The following USP2 variants were observed in gnomAD, a reference collection of about 807,000 sequenced individuals.
USP2 encodes the protein ubiquitin carboxyl-terminal hydrolase 2.
Under a neutral mutation model 72.0 loss-of-function variants are expected in USP2, and 33 were observed. The observed-to-expected ratio is 0.46, with a 90% CI of 0.35 to 0.61. The LOEUF (loss-of-function observed/expected upper bound fraction) is 0.61, where lower values mean the gene tolerates loss of function less well. Ranked by LOEUF, USP2 falls within the 20% of genes least tolerant of loss-of-function variation. The pLI is 0.01. For synonymous variants in USP2, 296 were observed against 312.5 expected (o/e 0.95, Z 0.56); for missense variants, 691 against 797.8 (o/e 0.87, Z 1.61).
intron 2 of USP2, among the ~76,000 whole-genome samples, chr11:119,371,033 T>G (rs602492): frequency 0.86 from 131,394 of 152,022 alleles, 56,801 homozygotes; most frequent in East Asian, 0.91. Context: ...TAGTCTGCGC[T>G]GAGGTTTTCC....
At chr11:119,357,119 G>A in intron 12 of USP2, 68 bp downstream of exon 12, 1 of 1,349,874 alleles carries the variant, frequency 7.4e-7, no homozygotes, top group South Asian at 1.3e-5. Flanking sequence ...GGTTTGGGGG[G>A]AGGGTGGAGG....
In USP2 at chr11:119,355,868, T is replaced by G. The variant is rs1950640982; in HGVS notation, c.*967A>C. 1 of 152,030 alleles carries G rather than the reference T, an allele frequency of 6.6e-6. No homozygotes were observed. Among genetic ancestry groups the G allele is most frequent in the Admixed American group, 6.6e-5 (1 of 15,258 alleles). The allele number at this position is 152,030 out of a possible 1,614,324, so 9.4% of individuals were successfully genotyped here. ...GAATCTACCTGCTTTCTTCTTTGCC[T>G]CACTGCAATGCACAACGAGCCAGGG... On this transcript the variant is annotated 3_prime_UTR_variant, in exon 13 of 13. Coordinates refer to ENST00000260187, the MANE Select transcript of USP2 (RefSeq NM_004205.5).
rs1950642840 is a variant in USP2 at position 119,356,024 on chromosome 11, C to T, written c.*811G>A. On this transcript the variant is annotated 3_prime_UTR_variant, in exon 13 of 13. Transcript: ENST00000260187. ...TGCTATAAGGCACAATTCTTGGAGG[C>T]AACTAAATTCCATTCAAAACATTAA... 7.2e-6 allele frequency: 1 copy of T among 139,122 alleles called. No individual in the cohort carries two copies. Among genetic ancestry groups the T allele is most frequent in the Admixed American group, 7.4e-5 (1 of 13,524 alleles). 8.6% of individuals were successfully genotyped at this position (139,122 alleles called of 1,614,324 possible).
At chr11:119,368,294 C>T (rs79402968) in intron 2 of USP2, among the ~76,000 whole-genome samples, 110 of 152,324 alleles carry the variant, frequency 7.2e-4, no homozygotes, top group African/African-American at 2.6e-3. Flanking sequence ...TAGGTAAGGA[C>T]AGACCCCAGG....
intron 11 of USP2, 52 bp downstream of exon 11, chr11:119,357,430 CG>C (rs1199073247): frequency 1.2e-6 from 2 of 1,612,484 alleles, no homozygotes; most frequent in African/African-American, 2.7e-5. Flanking sequence ...GCCCTCCCTC[CG>C]GCCTTGCACA....
chr11:119,373,518 TG>T lies in USP2; in HGVS notation c.-39del. Reference sequence around the variant, plus strand: ...CACTCAGTGGGGACTGGGAGCCTCATGGGCTGAAAGACAAGGAGTGTAGTTG... The same window carrying T: ...CACTCAGTGGGGACTGGGAGCCTCATGGCTGAAAGACAAGGAGTGTAGTTG... On this transcript the variant is annotated splice_region_variant and 5_prime_UTR_variant, in exon 2 of 13. It removes the in-frame stop codon of an upstream open reading frame in the 5' UTR. Transcript: ENST00000260187. The T allele has an allele frequency of 6.5e-7, 1 of 1,532,912 alleles. No individual in the cohort carries two copies. Among genetic ancestry groups the T allele is most frequent in the Non-Finnish European group, 8.7e-7 (1 of 1,147,408 alleles). The allele number at this position is 1,532,912 out of a possible 1,614,324, so 95.0% of individuals were successfully genotyped here.
rs372906234 is a variant in USP2 at position 119,373,010 on chromosome 11, A to G, written c.471T>C (p.Asp157=). 6.2e-7 allele frequency: 1 copy of G among 1,613,796 alleles called. No homozygotes were observed. Among genetic ancestry groups the G allele is most frequent in the Non-Finnish European group, 8.5e-7 (1 of 1,180,016 alleles). ...GGTTCCTGGGGTCTATCCGGTAGCT[A>G]TCTGAGGTCCGGAGGCTGGAGAAAT... ...ARDFSSLRTS[D]SYRIDPRNLG... Residue 157 remains aspartate, a synonymous_variant, in exon 2 of 13, where the codon GAT becomes GAC. Transcript: ENST00000260187.
chr11:119,367,111 G>A (rs1950864098), intron 2 of USP2, among the ~76,000 whole-genome samples: 1 of 152,154 alleles, frequency 6.6e-6, no homozygotes, highest in Non-Finnish European at 1.5e-5. Context: ...TGCCATTCTC[G>A]GAGTGGGATG....
intron 2 of USP2, among the ~76,000 whole-genome samples, chr11:119,371,127 G>A (rs1252366893): frequency 6.6e-6 from 1 of 152,138 alleles, no homozygotes; most frequent in Admixed American, 6.5e-5. Flanking sequence ...TTGCTTCAGT[G>A]GGTTTGGATG....
rs766214582 is a variant in USP2, at chr11:119,357,282, A to T, written c.1635T>A (p.Ala545=). The T allele has an allele frequency of 1.2e-6, 2 of 1,613,716 alleles. No homozygotes were observed. Among genetic ancestry groups the T allele is most frequent in the Admixed American group, 3.3e-5 (2 of 60,000 alleles). Residue 545 remains alanine, a synonymous_variant, in exon 12 of 13, where the codon GCT becomes GCA. Coordinates refer to ENST00000260187, the MANE Select transcript of USP2 (RefSeq NM_004205.5). ...TGGTGGTTCCGGAGTGATTGGACAC[A>T]GCGTACAGGTTGTAAACAGCATGGT... The part of the protein sequence containing the change: ...NTNHAVYNLY[A]VSNHSGTTMG...
intron 7 of USP2, among the ~76,000 whole-genome samples, 199 bp from the exon 8 acceptor site, chr11:119,358,451 G>A (rs1045875171): frequency 3.9e-5 from 6 of 152,132 alleles, no homozygotes; most frequent in African/African-American, 1.4e-4. Context: ...AAGTAGCTGG[G>A]ATTACAGGTG....
In USP2 at chr11:119,381,688, C is replaced by A; in HGVS notation, c.-257G>T. 1.2e-6 allele frequency: 1 copy of A among 805,452 alleles called. No individual in the cohort carries two copies. Among genetic ancestry groups the A allele is most frequent in the Non-Finnish European group, 2.1e-6 (1 of 486,836 alleles). 49.9% of individuals were successfully genotyped at this position (805,452 alleles called of 1,614,324 possible). On this transcript the variant is annotated 5_prime_UTR_variant, in exon 1 of 13. Coordinates refer to ENST00000260187, the MANE Select transcript of USP2 (RefSeq NM_004205.5). ...CCCAGCGGGCAGCCGCCTCATCGCG[C>A]CTGGGCCGGCAGAGCCACACCCCGC...
rs771186824 is a variant in USP2 at position 119,372,735 on chromosome 11, C to T, written c.746G>A (p.Arg249His). Residue 249 changes from arginine (R) to histidine (H), a missense_variant, in exon 2 of 13, where the codon CGC becomes CAC. Transcript: ENST00000260187. ...GCCGTCTCTTCCCGGGGAGCTGGAG[C>T]GGCTGGGCCCAGGGGCCTGACCCTT... Reference protein sequence around the residue: ...TGKGQAPGPSRSSSPGRDGMN... With the variant: ...TGKGQAPGPSHSSSPGRDGMN... The T allele has an allele frequency of 1.4e-5, 21 of 1,525,812 alleles. No individual in the cohort carries two copies. Among genetic ancestry groups the T allele is most frequent in the East Asian group, 1.4e-4 (6 of 44,256 alleles). 94.5% of individuals were successfully genotyped at this position (1,525,812 alleles called of 1,614,324 possible).
chr11:119,380,366 C>T (rs1951046180), intron 1 of USP2, among the ~76,000 whole-genome samples: 1 of 151,948 alleles, frequency 6.6e-6, no homozygotes, highest in Non-Finnish European at 1.5e-5. Context: ...GGGCTCCTTC[C>T]CCCTTTGCCT....
rs1394693097 is a variant in USP2 at position 119,357,236 on chromosome 11, AG to A, written c.1680del (p.Tyr561ThrfsTer86). 6.2e-7 allele frequency: 1 copy of A among 1,613,510 alleles called. No individual in the cohort carries two copies. The highest frequency in any genetic ancestry group is 8.5e-7 in the Non-Finnish European group (1 of 1,179,954). On this transcript the variant is annotated frameshift_variant, in exon 12 of 13. Coordinates refer to ENST00000260187, the MANE Select transcript of USP2 (RefSeq NM_004205.5). LOFTEE classifies it high-confidence loss of function. ...TCTCCTGTCCCTGGACTGCGACAGTAGGCTGTATAGTGGCCACCCATGGTGG... is the reference window on the plus strand; with the variant it reads ...TCTCCTGTCCCTGGACTGCGACAGTAGCTGTATAGTGGCCACCCATGGTGG... ...SGTTMGGHYT[A>X]YCRSPGTGEW...
At chr11:119,368,980 G>C (rs1950891258) in intron 2 of USP2, among the ~76,000 whole-genome samples, 1 of 152,232 alleles carries the variant, frequency 6.6e-6, no homozygotes, top group South Asian at 2.1e-4. Context: ...GGAACAGCTC[G>C]TCCTTCCATA....
At position 119,356,147 on chromosome 11, in the gene USP2, C is replaced by A. The variant is rs1950647223; in HGVS notation, c.*688G>T. The A allele has an allele frequency of 6.6e-6, 1 of 151,784 alleles. No homozygotes were observed. Among genetic ancestry groups the A allele is most frequent in the Non-Finnish European group, 1.5e-5 (1 of 68,002 alleles). The allele number at this position is 151,784 out of a possible 1,614,324, so 9.4% of individuals were successfully genotyped here. On this transcript the variant is annotated 3_prime_UTR_variant, in exon 13 of 13. Coordinates refer to ENST00000260187, the MANE Select transcript of USP2 (RefSeq NM_004205.5). ...TGGGGCCTGGCCAACGCCCACCTAG[C>A]ACCACGGAGGGCTAGCATTAGAAAG...
chr11:119,372,950 C>T lies in USP2; in HGVS notation c.531G>A (p.Lys177=). ...GRSPMLARTR[K]ELCTLQGLYQ... is the part of the protein sequence containing the mutation. ...AGAGCCCCTGCAGGGTGCAGAGCTCCTTGCGCGTCCGGGCCAGCATGGGGC... is the reference window on the plus strand; with the variant it reads ...AGAGCCCCTGCAGGGTGCAGAGCTCTTTGCGCGTCCGGGCCAGCATGGGGC... The change falls in exon 2 of 13, where the codon AAG becomes AAA. Residue 177 remains lysine (K), a synonymous_variant. Coordinates refer to ENST00000260187, the MANE Select transcript of USP2 (RefSeq NM_004205.5). 2 of 1,613,782 alleles carry T rather than the reference C, an allele frequency of 1.2e-6. No homozygotes were observed. The highest frequency in any genetic ancestry group is 8.5e-7 in the Non-Finnish European group (1 of 1,180,002).
chr11:119,372,632 C>T (rs568522355), intron 2 of USP2, 75 bp downstream of exon 2: 41 of 1,411,906 alleles, frequency 2.9e-5, no homozygotes, highest in African/African-American at 5.7e-5. Flanking sequence ...GGTTGGGAGT[C>T]GAGCCCTCAG....
Sources: gnomAD v4.1 joint callset for allele counts (sites outside exome capture counted in the v4.1 genomes callset) on GRCh38, gnomAD v4.1.1 for gene constraint, MANE v1.5 for transcripts, NCBI Gene and HGNC (gene_info 2026-07-23, HGNC 2026-07-21) for gene names.